The following ERC2 variants were observed in gnomAD, a reference collection of about 807,000 sequenced individuals.
The protein encoded by ERC2 is ERC protein 2.
In ERC2, 42 loss-of-function variants were observed where a neutral mutation model predicts 114.8. The observed-to-expected ratio is 0.37, with a 90% CI of 0.29 to 0.47. The LOEUF is 0.47. Ranked by LOEUF, ERC2 falls within the 20% of genes least tolerant of loss-of-function variation. The pLI is 0.99. For missense variants in ERC2, 939 were observed against 1,150.7 expected (o/e 0.82, Z 2.66); for synonymous variants, 454 against 425.5 (o/e 1.07, Z -0.82).
intron 2 of ERC2, among the ~76,000 whole-genome samples, chr3:56,392,363 T>C (rs1226161361): frequency 6.6e-6 from 1 of 152,234 alleles, no homozygotes; most frequent in Non-Finnish European, 1.5e-5. Context: ...TATTTCATTA[T>C]GGTATTTGCT....
At chr3:55,808,668 A>G (rs1314260655) in intron 14 of ERC2, among the ~76,000 whole-genome samples, 1 of 145,516 alleles carries the variant, frequency 6.9e-6, no homozygotes, top group Non-Finnish European at 1.5e-5. Flanking sequence ...TTCAAGGTCA[A>G]AAAACAAAAT....
intron 6 of ERC2, among the ~76,000 whole-genome samples, chr3:56,103,086 G>T (rs1439456795): frequency 3.9e-5 from 6 of 152,074 alleles, no homozygotes; most frequent in Non-Finnish European, 8.8e-5. Flanking sequence ...GGGGATGCAG[G>T]ATGAATTAGA....
chr3:56,060,275 A>G (rs1213329596), intron 7 of ERC2, among the ~76,000 whole-genome samples: 2 of 152,192 alleles, frequency 1.3e-5, no homozygotes, highest in Non-Finnish European at 2.9e-5. Flanking sequence ...TTAAGAGTAA[A>G]ATCCAGACTA....
intron 3 of ERC2, among the ~76,000 whole-genome samples, chr3:56,255,132 T>C (rs1244879026): frequency 2.0e-5 from 3 of 152,234 alleles, no homozygotes; most frequent in African/African-American, 7.2e-5. Flanking sequence ...TTCACACCTG[T>C]CCCTGAAGAC....
At chr3:56,017,038 A>C (rs941553395) in intron 8 of ERC2, among the ~76,000 whole-genome samples, 1 of 152,134 alleles carries the variant, frequency 6.6e-6, no homozygotes, top group East Asian at 1.9e-4. Flanking sequence ...AACATAATAA[A>C]ATCTACTCCC....
chr3:56,052,742 C>T (rs1281932995), intron 7 of ERC2, among the ~76,000 whole-genome samples: 2 of 152,148 alleles, frequency 1.3e-5, no homozygotes, highest in Non-Finnish European at 2.9e-5. Flanking sequence ...AGAGCTGGGA[C>T]CCGAGTTGCA....
At chr3:56,218,154 T>A (rs1008729998) in intron 3 of ERC2, among the ~76,000 whole-genome samples, 1 of 152,088 alleles carries the variant, frequency 6.6e-6, no homozygotes, top group Non-Finnish European at 1.5e-5. Context: ...CTAATTAAAC[T>A]AAAGAGCTTC....
At chr3:55,953,448 T>C (rs138393263) in intron 12 of ERC2, among the ~76,000 whole-genome samples, 8 of 152,332 alleles carry the variant, frequency 5.3e-5, no homozygotes, top group Non-Finnish European at 1.2e-4. Context: ...TAGCTACATA[T>C]AGTGTCCACA....
Position 56,307,880 on chromosome 3 carries a change from A to C in ERC2, c.658-11445T>G, listed in dbSNP as rs570971902. Among the ~76,000 whole-genome samples, 30 of 152,114 alleles carry C rather than the reference A, an allele frequency of 2.0e-4. No individual in the cohort carries two copies. The South Asian group carries it at 6.0e-3, about 31-fold the overall frequency. On this transcript the variant is annotated intron_variant, in intron 2 of 17. Coordinates refer to ENST00000288221, the MANE Select transcript of ERC2 (RefSeq NM_015576.3). ...CACACACAGAATGACCCTCTCAAGG[A>C]CAGTTTCTAATTTTCATAATGAAGT...
intron 3 of ERC2, among the ~76,000 whole-genome samples, chr3:56,262,586 G>A (rs2053014511): frequency 6.6e-6 from 1 of 152,178 alleles, no homozygotes; most frequent in African/African-American, 2.4e-5. Context: ...AATTTTACTG[G>A]AAAAATTATG....
intron 14 of ERC2, among the ~76,000 whole-genome samples, chr3:55,811,435 C>T (rs1284771781): frequency 6.6e-6 from 1 of 152,156 alleles, no homozygotes; most frequent in Non-Finnish European, 1.5e-5. Flanking sequence ...AACTGGAGAT[C>T]ACAGAGGCAA....
chr3:55,981,525 C>G (rs999809706), intron 12 of ERC2, among the ~76,000 whole-genome samples: 1 of 152,098 alleles, frequency 6.6e-6, no homozygotes, highest in African/African-American at 2.4e-5. Context: ...AGTTTTACTG[C>G]TATATCCCCA....
At chr3:56,443,720 T>C (rs2062427066) in intron 1 of ERC2, among the ~76,000 whole-genome samples, 2 of 152,080 alleles carry the variant, frequency 1.3e-5, no homozygotes, top group South Asian at 4.1e-4. Flanking sequence ...TCTAATTCTA[T>C]AAAATAAATC....
intron 6 of ERC2, among the ~76,000 whole-genome samples, chr3:56,134,937 T>TTTTTGTTTTTGG (rs2080418705): frequency 2.0e-5 from 3 of 146,946 alleles, no homozygotes; most frequent in Non-Finnish European, 4.5e-5. Context: ...TTTGTTTTTG[T>TTTTTGTTTTTGG]TTTTGTTTTT....
At chr3:55,908,543 G>A (rs2064606168) in intron 13 of ERC2, among the ~76,000 whole-genome samples, 1 of 152,146 alleles carries the variant, frequency 6.6e-6, no homozygotes, top group African/African-American at 2.4e-5. Flanking sequence ...AGGGAGAGAT[G>A]TGGGCTGGGC....
chr3:55,987,296 G>C (rs1022383344), intron 11 of ERC2, among the ~76,000 whole-genome samples: 1 of 152,186 alleles, frequency 6.6e-6, no homozygotes, highest in Non-Finnish European at 1.5e-5. Flanking sequence ...TGGATCAAAG[G>C]TAATTAAATC....
At chr3:55,661,773 T>C (rs2061147286) in intron 17 of ERC2, among the ~76,000 whole-genome samples, 1 of 152,108 alleles carries the variant, frequency 6.6e-6, no homozygotes, top group African/African-American at 2.4e-5. Flanking sequence ...ATTACGTGTT[T>C]AGTTTGGGCT....
At chr3:55,626,798 C>T (rs966577646) in intron 17 of ERC2, among the ~76,000 whole-genome samples, 1 of 152,244 alleles carries the variant, frequency 6.6e-6, no homozygotes, top group African/African-American at 2.4e-5. Context: ...GTCATAGGTC[C>T]TCTCAGACCT....
chr3:56,272,215 C>A (rs74439297), intron 3 of ERC2, among the ~76,000 whole-genome samples: 2,902 of 152,268 alleles, frequency 0.019, 40 homozygotes, highest in Non-Finnish European at 0.028. Context: ...AAGTAACCAA[C>A]CTGGGCACAC....
Sources: allele counts gnomAD v4.1 joint callset (sites outside exome capture counted in the v4.1 genomes callset), GRCh38; gene constraint gnomAD v4.1.1; transcripts MANE v1.5; gene names NCBI Gene and HGNC (gene_info 2026-07-23, HGNC 2026-07-21).